MGRN1: variants seen among roughly 807,000 people sequenced by gnomAD.
MGRN1 encodes E3 ubiquitin-protein ligase MGRN1.
In MGRN1, 29 loss-of-function variants were observed where a neutral mutation model predicts 69.2. That is an observed-to-expected ratio of 0.42 (90% CI 0.31 to 0.57). The LOEUF (loss-of-function observed/expected upper bound fraction) is 0.57. Ranked by LOEUF, MGRN1 falls within the 20% of genes least tolerant of loss-of-function variation. The pLI, the probability that MGRN1 is intolerant of heterozygous loss-of-function variation, is 0.15. For synonymous variants in MGRN1, 470 were observed against 344.2 expected (o/e 1.37, Z -4.04); for missense variants, 998 against 796.2 (o/e 1.25, Z -3.05).
intron 7 of MGRN1, 137 bp from the exon 8 acceptor site, chr16:4,668,124 CTTTT>C (rs375154638): frequency 5.8e-6 from 3 of 521,670 alleles, no homozygotes; most frequent in Admixed American, 3.6e-5. Context: ...TGGCCCCACC[CTTTT>C]TTTTTTTTTT....
At chr16:4,642,657 C>G (rs766481968) in intron 1 of MGRN1, among the ~76,000 whole-genome samples, 14 of 151,922 alleles carry the variant, frequency 9.2e-5, no homozygotes, top group Non-Finnish European at 1.5e-4. Context: ...AACAGACTTT[C>G]CCATGTTGGC....
chr16:4,681,872 C>T (rs2079189551), intron 13 of MGRN1, 96 bp downstream of exon 13: 1 of 1,253,434 alleles, frequency 8.0e-7, no homozygotes, highest in Admixed American at 2.4e-5. Context: ...GTGATGTGTT[C>T]TGTGTGGCGA....
chr16:4,681,438 G>T (rs2079180168), intron 12 of MGRN1, 112 bp from the exon 13 acceptor site: 4 of 1,020,410 alleles, frequency 3.9e-6, no homozygotes, highest in South Asian at 3.3e-5. Context: ...CTCTGAGGGT[G>T]GGGGAGTCTC....
chr16:4,658,669 G>A (rs752350602), intron 5 of MGRN1, among the ~76,000 whole-genome samples: 10 of 151,772 alleles, frequency 6.6e-5, no homozygotes, highest in Non-Finnish European at 1.3e-4. Flanking sequence ...TGTTCCTGAC[G>A]TTTAGCCACT....
chr16:4,688,137 A>G, intron 16 of MGRN1: 5 of 985,502 alleles, frequency 5.1e-6, no homozygotes, highest in Non-Finnish European at 6.0e-6. Flanking sequence ...GTCTGCTGGG[A>G]GCCATGTGTC....
rs1358106269 is a variant in MGRN1 at position 4,675,867 on chromosome 16, C to G, written c.956-1596C>G. Among the ~76,000 whole-genome samples, 9 of 152,328 alleles carry G rather than the reference C, an allele frequency of 5.9e-5. No homozygotes were observed. In the East Asian group the frequency reaches 1.2e-3, roughly 20 times the overall value. ...GAAAAGCCGCTCGTAGGGCCCCGTT[C>G]TGAGTGTCTTCCAGTAGAGGGAACA... On this transcript the variant is annotated intron_variant, in intron 10 of 16. Coordinates refer to ENST00000262370, the MANE Select transcript of MGRN1 (RefSeq NM_015246.4).
At chr16:4,664,815 G>A (rs201903307) in intron 6 of MGRN1, 40 bp downstream of exon 6, 63 of 1,608,100 alleles carry the variant, frequency 3.9e-5, no homozygotes, top group African/African-American at 5.3e-5. Flanking sequence ...CGTGCAGGCC[G>A]TGCAGGGAGG....
rs148546678 is a variant in MGRN1, at chr16:4,666,024, G to A, written c.678+873G>A. On this transcript the variant is annotated intron_variant, in intron 7 of 16. Coordinates refer to ENST00000262370, the MANE Select transcript of MGRN1 (RefSeq NM_015246.4). ...TTTTTGTATTTTCAGTAGAGACAGGGTTTCACTGTGCTAGCCAGGATGGTC... is the reference window on the plus strand; with the variant it reads ...TTTTTGTATTTTCAGTAGAGACAGGATTTCACTGTGCTAGCCAGGATGGTC... Among the ~76,000 whole-genome samples, 273 of 151,924 alleles carry A rather than the reference G, an allele frequency of 1.8e-3. 2 individuals are homozygous for A. The highest frequency in any genetic ancestry group is 6.2e-3 in the African/African-American group (256 of 41,448).
intron 8 of MGRN1, among the ~76,000 whole-genome samples, chr16:4,668,904 G>A (rs146876163): frequency 7.3e-4 from 111 of 151,580 alleles, no homozygotes; most frequent in African/African-American, 2.4e-3. Flanking sequence ...ACATTCACTC[G>A]CACACATATA....
intron 4 of MGRN1, among the ~76,000 whole-genome samples, chr16:4,654,387 T>C (rs2078482894): frequency 6.6e-6 from 1 of 152,254 alleles, no homozygotes; most frequent in African/African-American, 2.4e-5. Flanking sequence ...ATTTGTACTT[T>C]CAGAGGTTTT....
intron 8 of MGRN1, chr16:4,669,053 C>T (rs1445218628): frequency 6.6e-6 from 1 of 152,140 alleles, no homozygotes; most frequent in Non-Finnish European, 1.5e-5. Flanking sequence ...TATACTCACA[C>T]ACACTTATAT....
At chr16:4,687,250 G>T in intron 16 of MGRN1, 1 of 985,370 alleles carries the variant, frequency 1.0e-6, no homozygotes, top group Non-Finnish European at 1.2e-6. Context: ...CCAGGTGAGT[G>T]TTTTACAGAA....
At chr16:4,642,464 ATTTGTGTG>A (rs1191617638) in intron 1 of MGRN1, among the ~76,000 whole-genome samples, 1 of 124,156 alleles carries the variant, frequency 8.1e-6, no homozygotes, top group Non-Finnish European at 1.6e-5. Context: ...CGGCCAGCTA[ATTTGTGTG>A]TGTGTGTGTG....
In MGRN1 at chr16:4,672,426, C is replaced by T. The variant is rs752139013; in HGVS notation, c.795+967C>T. On this transcript the variant is annotated intron_variant, in intron 9 of 16. Coordinates refer to ENST00000262370, the MANE Select transcript of MGRN1 (RefSeq NM_015246.4). ...TCTCTTGGAAAGTCTCACAGGCCCG[C>T]TTCATTATGGCATCTGGGCCCAGGA... 1.1e-5 allele frequency: 5 copies of T among 456,634 alleles called. 1 individual carries two copies. The highest frequency in any genetic ancestry group is 6.9e-5 in the East Asian group (1 of 14,404). The allele number at this position is 456,634 out of a possible 1,614,324, so 28.3% of individuals were successfully genotyped here. A position where few individuals can be genotyped will look rare whatever the true frequency, so the allele number is the denominator to read the frequency against.
intron 11 of MGRN1, among the ~76,000 whole-genome samples, chr16:4,679,380 C>T (rs915768034): frequency 6.6e-6 from 1 of 152,188 alleles, no homozygotes; most frequent in Non-Finnish European, 1.5e-5. Flanking sequence ...CTGACCTCCA[C>T]ATGCCCCAGA....
At chr16:4,662,906 G>T (rs1403042971) in intron 5 of MGRN1, among the ~76,000 whole-genome samples, 1 of 152,226 alleles carries the variant, frequency 6.6e-6, no homozygotes, top group Non-Finnish European at 1.5e-5. Flanking sequence ...ACATCCGTGG[G>T]GGTGGTTGCT....
chr16:4,672,497 C>A (rs996017206), intron 9 of MGRN1: 1 of 456,536 alleles, frequency 2.2e-6, no homozygotes, highest in Admixed American at 2.3e-5. Context: ...CCTGGCCGGG[C>A]CTCGCCTCAA....
At chr16:4,628,171 G>A (rs1023974418) in intron 1 of MGRN1, among the ~76,000 whole-genome samples, 2 of 151,328 alleles carry the variant, frequency 1.3e-5, no homozygotes, top group African/African-American at 4.9e-5. Context: ...CGGATCACGA[G>A]GTCAGGAGAT....
chr16:4,681,838 G>C, intron 13 of MGRN1, 62 bp downstream of exon 13: 3 of 1,483,258 alleles, frequency 2.0e-6, no homozygotes, highest in Non-Finnish European at 2.7e-6. Flanking sequence ...CGGAGCGGGT[G>C]TCTTTGTGGT....
Sources: gnomAD v4.1 joint callset for allele counts (sites outside exome capture counted in the v4.1 genomes callset) on GRCh38, gnomAD v4.1.1 for gene constraint, MANE v1.5 for transcripts, NCBI Gene and HGNC (gene_info 2026-07-23, HGNC 2026-07-21) for gene names.